Variants in MBD5 observed in about 807,000 individuals in gnomAD.
MBD5 encodes methyl-CpG-binding domain protein 5.
A neutral mutation model predicts 117.3 loss-of-function variants in MBD5; 13 were observed. The ratio of observed to expected loss-of-function variants is 0.11; its 90% CI spans 0.07 to 0.18. The LOEUF (loss-of-function observed/expected upper bound fraction) is 0.18. MBD5 is among the 10% of genes least tolerant of loss of function. MBD5 has a pLI of 1.00. For synonymous variants in MBD5, 727 were observed against 766.4 expected, an observed-to-expected ratio of 0.95 and a Z score of 0.85; for missense variants, 1,879 against 2,093.8, an observed-to-expected ratio of 0.90 and a Z score of 2.00.
At chr2:148,062,521 G>A (rs962892317) in intron 1 of MBD5, 13 of 152,018 alleles carry the variant, frequency 8.6e-5, no homozygotes, top group African/African-American at 3.1e-4. Context: ...TCAGTGTAAT[G>A]TAAAAAATTT....
chr2:148,392,069 GT>G (rs1182867990), intron 4 of MBD5, among the ~76,000 whole-genome samples: 4 of 151,416 alleles, frequency 2.6e-5, no homozygotes, highest in Non-Finnish European at 4.4e-5. Flanking sequence ...TAGCTCATTG[GT>G]TTTTTTTCTG....
chr2:148,309,318 C>T (rs1312525075), intron 3 of MBD5, among the ~76,000 whole-genome samples: 1 of 152,150 alleles, frequency 6.6e-6, no homozygotes, highest in East Asian at 1.9e-4. Flanking sequence ...CTTGTCTCCT[C>T]TTTTATTTCC....
intron 3 of MBD5, among the ~76,000 whole-genome samples, chr2:148,305,616 A>G (rs1003038346): frequency 6.6e-6 from 1 of 152,206 alleles, no homozygotes; most frequent in Non-Finnish European, 1.5e-5. Context: ...TGAGGGGCCC[A>G]AACAGCAGCA....
chr2:148,478,323 G>A (rs772916930), intron 8 of MBD5, among the ~76,000 whole-genome samples: 14 of 152,278 alleles, frequency 9.2e-5, no homozygotes, highest in Non-Finnish European at 1.8e-4. Flanking sequence ...AGTGGCTCAC[G>A]CCTGAAATCC....
intron 4 of MBD5, among the ~76,000 whole-genome samples, chr2:148,424,452 A>G (rs1449920836): frequency 6.6e-6 from 1 of 151,870 alleles, no homozygotes; most frequent in East Asian, 1.9e-4. Context: ...TTAACACCCC[A>G]CTGTCAGCAC....
At chr2:148,138,038 G>A (rs1390949616) in intron 1 of MBD5, among the ~76,000 whole-genome samples, 4 of 152,162 alleles carry the variant, frequency 2.6e-5, no homozygotes, top group African/African-American at 7.2e-5. Context: ...ATTTATATAT[G>A]TCAGATTACG....
At chr2:148,360,493 A>G (rs2382226) in intron 4 of MBD5, among the ~76,000 whole-genome samples, 112,669 of 152,136 alleles carry the variant, frequency 0.74, 42,487 homozygotes, top group African/African-American at 0.89. Flanking sequence ...CCTTTTTGGG[A>G]TACTGTCTTC....
rs199957378 is a variant in MBD5 at position 148,299,478 on chromosome 2, GTTC to G, written c.-679-42730_-679-42728del. Among the ~76,000 whole-genome samples, 8 of 152,204 alleles carry G rather than the reference GTTC, an allele frequency of 5.3e-5. No individual in the cohort carries two copies. In the East Asian group the frequency reaches 1.2e-3, roughly 22 times the overall value. ...TCTAAAGTTGTTTGTAACTTTAGGA[GTTC>G]TTCTTTGCTCCTGCAACCCTCTATT... On this transcript the variant is annotated intron_variant, in intron 3 of 13. Transcript: ENST00000642680.
intron 1 of MBD5, among the ~76,000 whole-genome samples, chr2:148,031,059 T>G (rs1311818481): frequency 6.6e-6 from 1 of 152,176 alleles, no homozygotes; most frequent in Non-Finnish European, 1.5e-5. Context: ...GTAGACAATT[T>G]CAATCTGAGA....
chr2:148,025,025 G>A (rs1693858015), intron 1 of MBD5: 1 of 152,060 alleles, frequency 6.6e-6, no homozygotes, highest in African/African-American at 2.4e-5. Flanking sequence ...TCATCAGTGG[G>A]ACCCCCATGA....
At chr2:148,043,287 A>T (rs992864167) in intron 1 of MBD5, among the ~76,000 whole-genome samples, 5 of 150,722 alleles carry the variant, frequency 3.3e-5, no homozygotes, top group Non-Finnish European at 7.4e-5. Flanking sequence ...AAATAAAAAA[A>T]TAAATAAATA....
chr2:148,478,279 T>G (rs1396413448), intron 8 of MBD5, among the ~76,000 whole-genome samples: 1 of 152,208 alleles, frequency 6.6e-6, no homozygotes, highest in Non-Finnish European at 1.5e-5. Context: ...TGCAGAATAC[T>G]GTTTACATAC....
intron 3 of MBD5, among the ~76,000 whole-genome samples, chr2:148,254,053 A>C (rs1203540364): frequency 6.6e-6 from 1 of 152,176 alleles, no homozygotes. Context: ...TCCTGAATCC[A>C]TAACTCACAA....
chr2:148,315,250 C>T (rs10469577), intron 3 of MBD5, among the ~76,000 whole-genome samples: 30,795 of 152,010 alleles, frequency 0.2, 3,245 homozygotes, highest in African/African-American at 0.21. Context: ...GCTGAAATCC[C>T]TCTTACGGTC....
intron 3 of MBD5, among the ~76,000 whole-genome samples, chr2:148,234,306 G>A (rs1273443743): frequency 6.6e-6 from 1 of 152,138 alleles, no homozygotes; most frequent in Admixed American, 6.5e-5. Flanking sequence ...ATCAGCCTGA[G>A]GTCATCCATG....
chr2:148,498,818 A>C (rs1376055371), intron 11 of MBD5, among the ~76,000 whole-genome samples: 1 of 152,248 alleles, frequency 6.6e-6, no homozygotes, highest in Non-Finnish European at 1.5e-5. Flanking sequence ...CCTTCTGAAC[A>C]AAATAAGCAA....
At chr2:148,238,442 T>C (rs1308091173) in intron 3 of MBD5, among the ~76,000 whole-genome samples, 1 of 152,188 alleles carries the variant, frequency 6.6e-6, no homozygotes, top group African/African-American at 2.4e-5. Context: ...TTGAGGAATC[T>C]TCTTGGGATT....
At chr2:148,117,447 A>T (rs1469772350) in intron 1 of MBD5, among the ~76,000 whole-genome samples, 4 of 152,332 alleles carry the variant, frequency 2.6e-5, no homozygotes, top group African/African-American at 4.8e-5. Context: ...TGAATGAATT[A>T]CATCACCTTA....
At chr2:148,128,057 C>G (rs944653433) in intron 1 of MBD5, among the ~76,000 whole-genome samples, 3 of 152,078 alleles carry the variant, frequency 2.0e-5, no homozygotes, top group Non-Finnish European at 2.9e-5. Flanking sequence ...TGTTCATGTC[C>G]TTTGCCCACT....
Sources: gnomAD v4.1 joint callset for allele counts (sites outside exome capture counted in the v4.1 genomes callset) on GRCh38, gnomAD v4.1.1 for gene constraint, MANE v1.5 for transcripts, NCBI Gene and HGNC (gene_info 2026-07-23, HGNC 2026-07-21) for gene names.